ZSCAN5A: variants seen among roughly 807,000 people sequenced by gnomAD.
ZSCAN5A encodes the protein zinc finger and SCAN domain containing 5A, also known as zinc finger and SCAN domain-containing protein 5A.
Under a neutral mutation model 23.7 loss-of-function variants are expected in ZSCAN5A, and 12 were observed. The ratio of observed to expected loss-of-function variants is 0.51; its 90% CI spans 0.32 to 0.82. The LOEUF (loss-of-function observed/expected upper bound fraction) is 0.82. ZSCAN5A is among the 40% of genes least tolerant of loss of function. The probability of loss-of-function intolerance (pLI) is 0.03; values close to 1 mark genes in which losing one functional copy is unlikely to be tolerated. For synonymous variants in ZSCAN5A, 257 were observed against 239.9 expected (o/e 1.07, Z -0.66); for missense variants, 597 against 617.9 (o/e 0.97, Z 0.36).
intron 2 of ZSCAN5A, among the ~76,000 whole-genome samples, chr19:56,357,407 T>A (rs2041706310): frequency 6.7e-6 from 1 of 148,246 alleles, no homozygotes; most frequent in South Asian, 2.2e-4. Flanking sequence ...TTTTGATACA[T>A]GCATACAATG....
intron 2 of ZSCAN5A, chr19:56,246,718 T>C (rs755952831): frequency 2.5e-6 from 3 of 1,192,436 alleles, no homozygotes; most frequent in African/African-American, 3.0e-5. Flanking sequence ...GTGTGTGGAA[T>C]CCCTTCTTCC....
Position 56,223,202 on chromosome 19 carries a change from G to A in ZSCAN5A, c.588+429C>T, listed in dbSNP as rs111494434. 8.3e-4 allele frequency among the ~76,000 whole-genome samples: 126 copies of A among 152,244 alleles called. 1 individual carries two copies. Among genetic ancestry groups the A allele is most frequent in the African/African-American group, 2.8e-3 (117 of 41,530 alleles). ...CCATCCCCTACAATGACACACAAAA[G>A]CATCTCCAGACATGGCCATGTGTCC... On this transcript the variant is annotated intron_variant, in intron 4 of 5. Transcript: ENST00000683990.
At chr19:56,324,053 T>C (rs1237148413) in intron 2 of ZSCAN5A, among the ~76,000 whole-genome samples, 1 of 152,208 alleles carries the variant, frequency 6.6e-6, no homozygotes, top group African/African-American at 2.4e-5. Context: ...GTTGCCCTGC[T>C]GTACTACTGA....
intron 2 of ZSCAN5A, among the ~76,000 whole-genome samples, chr19:56,226,527 G>A (rs1407444814): frequency 2.6e-5 from 4 of 152,118 alleles, no homozygotes; most frequent in South Asian, 2.1e-4. Flanking sequence ...CACCCCTCAC[G>A]CCTGCTAGAG....
chr19:56,317,131 T>C (rs1433246430), upstream of ZSCAN5A: 1 of 152,310 alleles, frequency 6.6e-6, no homozygotes, highest in South Asian at 2.1e-4. Context: ...CCACCATGCC[T>C]GGACTAGGCT....
intron 2 of ZSCAN5A, chr19:56,320,386 C>T (rs1320688544): frequency 2.7e-5 from 9 of 338,052 alleles, no homozygotes; most frequent in African/African-American, 4.3e-5. Flanking sequence ...ATTAGCCAGG[C>T]GTGGTGATGT....
intron 2 of ZSCAN5A, among the ~76,000 whole-genome samples, chr19:56,276,207 G>T (rs944005838): frequency 2.6e-5 from 4 of 152,192 alleles, no homozygotes; most frequent in African/African-American, 9.7e-5. Context: ...GGGGAAGGGT[G>T]GCACTTGGAT....
chr19:56,251,872 TTTTTA>T (rs1366260359), intron 2 of ZSCAN5A, among the ~76,000 whole-genome samples: 3 of 152,176 alleles, frequency 2.0e-5, no homozygotes, highest in Non-Finnish European at 4.4e-5. Context: ...CAAGAATTGT[TTTTTA>T]TATTTTTAAA....
chr19:56,316,021 C>G (rs2094862472), upstream of ZSCAN5A: 1 of 152,232 alleles, frequency 6.6e-6, no homozygotes, highest in Non-Finnish European at 1.5e-5. Flanking sequence ...AAACTTTCTT[C>G]TGAGCACACA....
chr19:56,263,789 AGAT>A lies in ZSCAN5A; in HGVS notation c.-127-38619_-127-38617del, dbSNP rs536794039. The A allele has an allele frequency of 1.5e-3, 221 of 151,604 alleles. 1 individual carries two copies. Among genetic ancestry groups the A allele is most frequent in the African/African-American group, 5.0e-3 (204 of 40,890 alleles). 9.4% of individuals were successfully genotyped at this position (151,604 alleles called of 1,614,324 possible). A position where few individuals can be genotyped will look rare whatever the true frequency, so the allele number is the denominator to read the frequency against. ...AGTATAGATTTCATAAGAACCTCTG[AGAT>A]GATGATAATGCATGATAATAACATG... On this transcript the variant is annotated intron_variant, in intron 2 of 5. Coordinates refer to ENST00000683990, the MANE Select transcript of ZSCAN5A (RefSeq NM_001322064.3).
intron 2 of ZSCAN5A, among the ~76,000 whole-genome samples, chr19:56,297,119 A>T (rs1438503183): frequency 6.6e-6 from 1 of 152,114 alleles, no homozygotes; most frequent in Non-Finnish European, 1.5e-5. Context: ...CATGTGAGCA[A>T]AGGCTTGAAG....
intron 2 of ZSCAN5A, among the ~76,000 whole-genome samples, chr19:56,240,076 C>T (rs1021341886): frequency 7.9e-5 from 12 of 151,920 alleles, no homozygotes; most frequent in Non-Finnish European, 1.6e-4. Flanking sequence ...GCAGGAGAAT[C>T]GCTTGAACCC....
intron 2 of ZSCAN5A, among the ~76,000 whole-genome samples, chr19:56,305,669 G>A (rs1381379570): frequency 2.0e-5 from 3 of 152,154 alleles, no homozygotes; most frequent in Admixed American, 6.5e-5. Context: ...AGTGAACGGG[G>A]CAGACAAGAT....
chr19:56,359,110 C>T (rs2041716398), intron 2 of ZSCAN5A, among the ~76,000 whole-genome samples: 1 of 151,162 alleles, frequency 6.6e-6, no homozygotes, highest in African/African-American at 2.4e-5. Context: ...CACAAAACAC[C>T]CTTCAAAAAA....
At chr19:56,230,336 G>A (rs569681835) in intron 2 of ZSCAN5A, among the ~76,000 whole-genome samples, 6 of 152,052 alleles carry the variant, frequency 3.9e-5, no homozygotes, top group South Asian at 2.1e-4. Context: ...CACCCGCCTC[G>A]GCCTCCCAAA....
intron 2 of ZSCAN5A, chr19:56,322,138 GT>G (rs1568751113): frequency 2.6e-6 from 2 of 766,526 alleles, no homozygotes; most frequent in Non-Finnish European, 4.8e-6. Flanking sequence ...GTAGCTGAGC[GT>G]CTCTGGAAGG....
chr19:56,284,459 GAAAC>G (rs2147093860), intron 2 of ZSCAN5A, among the ~76,000 whole-genome samples: 1 of 150,262 alleles, frequency 6.7e-6, no homozygotes, highest in Admixed American at 6.7e-5. Flanking sequence ...AGTCTGGTGG[GAAAC>G]AGAGATAAGT....
At chr19:56,326,747 G>A (rs1383919737) in intron 2 of ZSCAN5A, among the ~76,000 whole-genome samples, 1 of 151,978 alleles carries the variant, frequency 6.6e-6, no homozygotes, top group South Asian at 2.1e-4. Context: ...ACTAGATCTC[G>A]AGTCTCCTCT....
chr19:56,231,990 TCTTTTC>T (rs1040452650), intron 2 of ZSCAN5A, among the ~76,000 whole-genome samples: 2 of 57,998 alleles, frequency 3.4e-5, no homozygotes, highest in Non-Finnish European at 7.6e-5. Flanking sequence ...TTTCTTTTTT[TCTTTTC>T]TTTTTTTTTG....
Sources: gnomAD v4.1 joint callset for allele counts (sites outside exome capture counted in the v4.1 genomes callset) on GRCh38, gnomAD v4.1.1 for gene constraint, MANE v1.5 for transcripts, NCBI Gene and HGNC (gene_info 2026-07-23, HGNC 2026-07-21) for gene names.